The following GIGYF2 variants were observed in gnomAD, a reference collection of about 807,000 sequenced individuals.
GIGYF2 encodes GRB10-interacting GYF protein 2.
A neutral mutation model predicts 208.1 loss-of-function variants in GIGYF2; 25 were observed. The ratio of observed to expected loss-of-function variants is 0.12; its 90% CI spans 0.09 to 0.17. The LOEUF is 0.17. Ranked by LOEUF, GIGYF2 falls within the 10% of genes least tolerant of loss-of-function variation. GIGYF2 has a pLI of 1.00. For missense variants in GIGYF2, 1,302 were observed against 1,579.4 expected (o/e 0.82, Z 2.98); for synonymous variants, 534 against 543.8 (o/e 0.98, Z 0.25).
chr2:232,769,238 AGTGATATTTTGGCCAGGCATG>A (rs1204975305), intron 8 of GIGYF2, among the ~76,000 whole-genome samples: 4 of 152,238 alleles, frequency 2.6e-5, no homozygotes, highest in South Asian at 4.1e-4. Flanking sequence ...CAATAGAATG[AGTGATATTTTGGCCAGGCATG>A]GTGTCTCACG....
At chr2:232,787,053 C>G in intron 8 of GIGYF2, 97 bp from the exon 9 acceptor site, 2 of 828,840 alleles carry the variant, frequency 2.4e-6, no homozygotes, top group East Asian at 2.5e-5. Flanking sequence ...TGAAATGGAC[C>G]CATTTGCAGG....
chr2:232,807,139 A>T (rs938674685), intron 15 of GIGYF2, among the ~76,000 whole-genome samples: 1 of 152,112 alleles, frequency 6.6e-6, no homozygotes, highest in African/African-American at 2.4e-5. Flanking sequence ...AAGTTTCTAA[A>T]TTTGAGGTTT....
intron 21 of GIGYF2, among the ~76,000 whole-genome samples, chr2:232,824,223 G>A (rs1366955876): frequency 1.3e-5 from 2 of 152,222 alleles, no homozygotes; most frequent in East Asian, 3.8e-4. Context: ...GAAAGGAAGA[G>A]TCATGTCTCA....
Position 232,806,745 on chromosome 2 carries a change from A to T in GIGYF2, c.1806+88A>T, listed in dbSNP as rs572213109. The T allele has an allele frequency of 3.3e-6, 3 of 914,624 alleles. No homozygotes were observed. The Admixed American group carries it at 5.1e-5, about 15-fold the overall frequency. The allele number at this position is 914,624 out of a possible 1,614,324, so 56.7% of individuals were successfully genotyped here. ...AAACACAACCCAAATATATCATCTA[A>T]TGAAGGAATTGTAGTTCTTTGAAAT... On this transcript the variant is annotated intron_variant, in intron 15 of 28. Coordinates refer to ENST00000373563, the MANE Select transcript of GIGYF2 (RefSeq NM_001103146.3). This position sits in a 1 kb window ranked among gnomAD's most constrained non-coding sequence, Gnocchi z 4.0.
At chr2:232,784,455 T>C (rs1243312966) in intron 8 of GIGYF2, among the ~76,000 whole-genome samples, 1 of 139,566 alleles carries the variant, frequency 7.2e-6, no homozygotes, top group Non-Finnish European at 1.5e-5. Context: ...AGTGGCGTGA[T>C]CTGGGCTCAC....
chr2:232,731,104 CTTG>C (rs1304012995), intron 2 of GIGYF2: 3 of 152,154 alleles, frequency 2.0e-5, no homozygotes, highest in South Asian at 2.1e-4. Context: ...AATTTCCTTG[CTTG>C]TTGTTGTTCC....
chr2:232,797,080 G>GT (rs11394783), intron 14 of GIGYF2, among the ~76,000 whole-genome samples: 104,796 of 147,088 alleles, frequency 0.71, 37,759 homozygotes, highest in East Asian at 0.88. Flanking sequence ...GACCTTGACT[G>GT]TTTTTTTTTT....
At chr2:232,820,103 C>A in intron 21 of GIGYF2, 118 bp downstream of exon 21, 5 of 989,286 alleles carry the variant, frequency 5.1e-6, no homozygotes, top group Admixed American at 2.1e-5. Flanking sequence ...AAAAATTAAC[C>A]AAAAGAAACC....
chr2:232,814,577 C>CT (rs1553616914), intron 18 of GIGYF2, among the ~76,000 whole-genome samples: 1 of 129,944 alleles, frequency 7.7e-6, no homozygotes, highest in Non-Finnish European at 1.7e-5. Context: ...CCCCCCCCCC[C>CT]AAAAAAAAAG....
At chr2:232,719,612 A>T (rs1404435513) in intron 2 of GIGYF2, among the ~76,000 whole-genome samples, 1 of 152,034 alleles carries the variant, frequency 6.6e-6, no homozygotes, top group Non-Finnish European at 1.5e-5. Context: ...TGAATAGTTA[A>T]AATAAAGAGG....
In GIGYF2 at chr2:232,776,589, G is replaced by C. The variant is rs1699524313; in HGVS notation, c.533-10561G>C. On this transcript the variant is annotated intron_variant, in intron 8 of 28. Coordinates refer to ENST00000373563, the MANE Select transcript of GIGYF2 (RefSeq NM_001103146.3). ...CTGGTTTTACAGCTTACATTCCTCT[G>C]TTTATAATGTTGTGGGGGCTGGTTT... 3 of 707,674 alleles carry C rather than the reference G, an allele frequency of 4.2e-6. No individual in the cohort carries two copies. The Admixed American group carries it at 6.2e-5, about 15-fold the overall frequency. 43.8% of individuals were successfully genotyped at this position (707,674 alleles called of 1,614,324 possible). A position where few individuals can be genotyped will look rare whatever the true frequency, so the allele number is the denominator to read the frequency against.
chr2:232,771,360 C>T, intron 8 of GIGYF2: 1 of 1,605,510 alleles, frequency 6.2e-7, no homozygotes, highest in Non-Finnish European at 8.5e-7. Flanking sequence ...TACTGCTGTC[C>T]ATCTCAGGCT....
Position 232,718,053 on chromosome 2 carries a change from G to A in GIGYF2, c.-44+14564G>A, listed in dbSNP as rs151255142. On this transcript the variant is annotated intron_variant, in intron 2 of 28. Transcript: ENST00000373563. ...CTAAACATGATATCTGGGTGATTTC[G>A]CAGTATCATTGTGAATATCAGTAAT... 5.8e-3 allele frequency among the ~76,000 whole-genome samples: 876 copies of A among 152,042 alleles called. 3 individuals are homozygous for A. Among genetic ancestry groups the A allele is most frequent in the African/African-American group, 0.02 (832 of 41,454 alleles).
chr2:232,735,157 T>G lies in GIGYF2; in HGVS notation c.-41T>G. 1 of 1,405,202 alleles carries G rather than the reference T, an allele frequency of 7.1e-7. No individual in the cohort carries two copies. Among genetic ancestry groups the G allele is most frequent in the Non-Finnish European group, 1.0e-6 (1 of 990,936 alleles). 87.0% of individuals were successfully genotyped at this position (1,405,202 alleles called of 1,614,324 possible). The stretch of plus-strand genomic sequence containing the variant: ...GGAGATATTTTTCTCGTTAACAGGT[T>G]TCTTCACATATAAAAATCTATTGTA... On this transcript the variant is annotated splice_region_variant and 5_prime_UTR_variant, in exon 3 of 29. Transcript: ENST00000373563.
intron 21 of GIGYF2, among the ~76,000 whole-genome samples, chr2:232,822,877 T>C (rs949672970): frequency 2.0e-5 from 3 of 152,220 alleles, no homozygotes; most frequent in African/African-American, 7.2e-5. Context: ...CAGTTTTAAT[T>C]CTTCCTTTCC....
Position 232,730,021 on chromosome 2 carries a change from T to TC in GIGYF2, c.-43-5134_-43-5133insC, listed in dbSNP as rs1160387360. On this transcript the variant is annotated intron_variant, in intron 2 of 28. Transcript: ENST00000373563. ...CTGGCCTTTTCTTTTTCGTAAGACT[T>TC]GATGTGATTATACCAACGAAGGGCA... 5.0e-6 allele frequency: 4 copies of TC among 801,676 alleles called. No homozygotes were observed. In the African/African-American group the frequency reaches 5.1e-5, roughly 10 times the overall value. 49.7% of individuals were successfully genotyped at this position (801,676 alleles called of 1,614,324 possible).
At chr2:232,734,728 T>C (rs1280465425) in intron 2 of GIGYF2, among the ~76,000 whole-genome samples, 1 of 152,206 alleles carries the variant, frequency 6.6e-6, no homozygotes, top group African/African-American at 2.4e-5. Context: ...GGAGGGTCCT[T>C]ATTTTAATAA....
chr2:232,745,831 T>C (rs1698130730), intron 3 of GIGYF2, among the ~76,000 whole-genome samples: 1 of 152,194 alleles, frequency 6.6e-6, no homozygotes, highest in Admixed American at 6.5e-5. Flanking sequence ...ACATACGAAG[T>C]ATTGCCAAAA....
chr2:232,802,315 G>A (rs78405765), intron 14 of GIGYF2, among the ~76,000 whole-genome samples: 20,791 of 151,832 alleles, frequency 0.14, 1,634 homozygotes, highest in South Asian at 0.31. Flanking sequence ...GAAAGTGGGC[G>A]TCCTTCGCTA....
Sources: allele counts gnomAD v4.1 joint callset (sites outside exome capture counted in the v4.1 genomes callset), GRCh38; gene constraint gnomAD v4.1.1; non-coding constraint Gnocchi (gnomAD v3.1); transcripts MANE v1.5; gene names NCBI Gene and HGNC (gene_info 2026-07-23, HGNC 2026-07-21).